OR8K3: variants seen among roughly 807,000 people sequenced by gnomAD.
OR8K3 encodes the protein olfactory receptor family 8 subfamily K member 3 (gene/pseudogene).
For missense variants in OR8K3, 448 were observed against 367.4 expected (o/e 1.22, Z -1.79); for synonymous variants, 167 against 138.8 (o/e 1.20, Z -1.43).
intron 2 of OR8K3, among the ~76,000 whole-genome samples, chr11:56,317,834 G>C (rs1854465115): frequency 1.3e-5 from 2 of 151,762 alleles, no homozygotes; most frequent in African/African-American, 4.8e-5. Context: ...GATTCTATCT[G>C]TTCATCCATA....
rs1245269252 is a variant in OR8K3 at position 56,319,162 on chromosome 11, C to T, written c.856C>T (p.Pro286Ser). Residue 286 changes from proline (P) to serine (S), a missense_variant, in exon 3 of 3, where the codon CCC (proline) becomes TCC (serine). Coordinates refer to ENST00000641662, the MANE Select transcript of OR8K3 (RefSeq NM_001005202.2). ...CACCCTGGTTATCCCCATGTTGAATCCCTTGATCTATAGTTTACGAAACAA... is the reference window on the plus strand; with the variant it reads ...CACCCTGGTTATCCCCATGTTGAATTCCTTGATCTATAGTTTACGAAACAA... Reference protein sequence around the residue: ...FYTLVIPMLNPLIYSLRNKDV... With the variant: ...FYTLVIPMLNSLIYSLRNKDV... 6.2e-7 allele frequency: 1 copy of T among 1,612,950 alleles called. No individual in the cohort carries two copies. Among genetic ancestry groups the T allele is most frequent in the Admixed American group, 1.7e-5 (1 of 59,998 alleles).
chr11:56,317,367 C>A (rs751446701), intron 2 of OR8K3, among the ~76,000 whole-genome samples: 2 of 152,084 alleles, frequency 1.3e-5, no homozygotes, highest in Middle Eastern at 3.2e-3. Flanking sequence ...AGATAACTTA[C>A]ACTATTTGCC....
rs1016535888 is a variant in OR8K3 at position 56,316,417 on chromosome 11, C to T, written c.-24+360C>T. Among the ~76,000 whole-genome samples, 3 of 120,536 alleles carry T rather than the reference C, an allele frequency of 2.5e-5. No homozygotes were observed. In the East Asian group the frequency reaches 8.4e-4, roughly 34 times the overall value. The allele number at this position is 120,536 out of a possible 152,430, so 79.1% of individuals were successfully genotyped here. On this transcript the variant is annotated intron_variant, in intron 2 of 2. Coordinates refer to ENST00000641662, the MANE Select transcript of OR8K3 (RefSeq NM_001005202.2). ...TTCTTTCTTTTCTTTTTTCAAAAAA[C>T]ATTGGGGCTTACGATTTTTTTTAAC...
chr11:56,317,052 T>C (rs1854453366), intron 2 of OR8K3, among the ~76,000 whole-genome samples: 1 of 152,008 alleles, frequency 6.6e-6, no homozygotes, highest in East Asian at 1.9e-4. Context: ...GGAGAAGAAC[T>C]GCCCTAAGTT....
chr11:56,318,862 C>A lies in OR8K3; in HGVS notation c.556C>A (p.Pro186Thr), dbSNP rs768658746. 1 of 1,614,012 alleles carries A rather than the reference C, an allele frequency of 6.2e-7. No individual in the cohort carries two copies. The highest frequency in any genetic ancestry group is 8.5e-7 in the Non-Finnish European group (1 of 1,179,922). ...CTACTGTGACAGTCTCCCTTTGTTACCTTTGCTTTGTTCAAATACACATGA... is the reference window on the plus strand; with the variant it reads ...CTACTGTGACAGTCTCCCTTTGTTAACTTTGCTTTGTTCAAATACACATGA... ...HFYCDSLPLL[P>T]LLCSNTHEIE... is the part of the protein sequence containing the mutation. The change falls in exon 3 of 3, where the codon CCT becomes ACT. Residue 186 changes from proline (P) to threonine (T), a missense_variant. By Grantham distance (38) the Pro-to-Thr change is conservative. Transcript: ENST00000641662.
Position 56,318,984 on chromosome 11 carries a change from C to A in OR8K3, c.678C>A (p.Leu226=). The A allele has an allele frequency of 6.2e-7, 1 of 1,614,094 alleles. No individual in the cohort carries two copies. Among genetic ancestry groups the A allele is most frequent in the Non-Finnish European group, 8.5e-7 (1 of 1,179,986 alleles). ...ACCTGCTCATCCTTGTAGCCATTCT[C>A]AGGATGAATTCTGCTGGCAGACAAA... The part of the protein sequence containing the change: ...LSYLLILVAI[L]RMNSAGRQKA... Residue 226 remains leucine (L), a synonymous_variant, in exon 3 of 3, where the codon CTC becomes CTA. Coordinates refer to ENST00000641662, the MANE Select transcript of OR8K3 (RefSeq NM_001005202.2).
chr11:56,319,271 A>T lies in OR8K3; in HGVS notation c.*26A>T. On this transcript the variant is annotated 3_prime_UTR_variant, in exon 3 of 3. Transcript: ENST00000641662. Reference sequence around the variant, plus strand: ...ATTTTGTACAATATGATTCCTATAAATTAGGTTATGGGCATGAATTTTTGC... The same window carrying T: ...ATTTTGTACAATATGATTCCTATAATTTAGGTTATGGGCATGAATTTTTGC... 7.4e-7 allele frequency: 1 copy of T among 1,349,010 alleles called. No homozygotes were observed. Among genetic ancestry groups the T allele is most frequent in the Non-Finnish European group, 1.0e-6 (1 of 958,374 alleles). The allele number at this position is 1,349,010 out of a possible 1,614,324, so 83.6% of individuals were successfully genotyped here. A position where few individuals can be genotyped will look rare whatever the true frequency, so the allele number is the denominator to read the frequency against.
intron 1 of OR8K3, among the ~76,000 whole-genome samples, chr11:56,315,372 T>C (rs2134864293): frequency 6.6e-6 from 1 of 152,274 alleles, no homozygotes; most frequent in African/African-American, 2.4e-5. Flanking sequence ...TCATATGCTT[T>C]TTAAGTATTT....
chr11:56,318,745 A>G lies in OR8K3; in HGVS notation c.439A>G (p.Ile147Val), dbSNP rs927619000. 2 of 1,613,914 alleles carry G rather than the reference A, an allele frequency of 1.2e-6. No homozygotes were observed. Among genetic ancestry groups the G allele is most frequent in the Admixed American group, 1.7e-5 (1 of 60,000 alleles). ...AAGGGTATGTCAGGTGCTGGTAGCA[A>G]TCCCTTACCTCTATTGCACATTCAT... is the stretch of plus-strand genomic sequence containing the variant. ...SRRVCQVLVA[I>V]PYLYCTFISL... Residue 147 changes from isoleucine (I) to valine (V), a missense_variant, in exon 3 of 3, where the codon ATC (isoleucine) becomes GTC (valine). Ile to Val is a conservative substitution (Grantham distance 29, BLOSUM62 3). Coordinates refer to ENST00000641662, the MANE Select transcript of OR8K3 (RefSeq NM_001005202.2).
rs765085117 is a variant in OR8K3, at chr11:56,318,758, A to G, written c.452A>G (p.Tyr151Cys). The G allele has an allele frequency of 6.2e-7, 1 of 1,613,610 alleles. No homozygotes were observed. Among genetic ancestry groups the G allele is most frequent in the African/African-American group, 1.3e-5 (1 of 74,844 alleles). The change falls in exon 3 of 3, where the codon TAT (tyrosine) becomes TGT (cysteine). Residue 151 changes from tyrosine to cysteine, a missense_variant. Tyr to Cys is a radical substitution (Grantham distance 194, BLOSUM62 -2). Transcript: ENST00000641662. The stretch of plus-strand genomic sequence containing the variant: ...GTGCTGGTAGCAATCCCTTACCTCT[A>G]TTGCACATTCATTTCTCTTCTAGTC... ...CQVLVAIPYL[Y>C]CTFISLLVTI...
chr11:56,318,622 G>A lies in OR8K3; in HGVS notation c.316G>A (p.Val106Met), dbSNP rs773727254. The change falls in exon 3 of 3, where the codon GTG (valine) becomes ATG (methionine). Residue 106 changes from valine to methionine, a missense_variant. Physicochemically the swap from Val to Met is conservative, Grantham distance 21. Transcript: ENST00000641662. ...TGCAACACAGCTAGCTTTCTTTCTT[G>A]TGTTCATTGGTAGTGAACTTTTTAT... Reference protein sequence around the residue: ...FCATQLAFFLVFIGSELFILS... With the variant: ...FCATQLAFFLMFIGSELFILS... 6.2e-7 allele frequency: 1 copy of A among 1,613,594 alleles called. No homozygotes were observed. The highest frequency in any genetic ancestry group is 1.1e-5 in the South Asian group (1 of 91,044).
chr11:56,316,728 C>A (rs1590837190), intron 2 of OR8K3, among the ~76,000 whole-genome samples: 1 of 151,860 alleles, frequency 6.6e-6, no homozygotes, highest in Admixed American at 6.6e-5. Context: ...CTACAGTATC[C>A]TTTTACCCAA....
Position 56,319,102 on chromosome 11 carries a change from T to G in OR8K3, c.796T>G (p.Ser266Ala). 1 of 1,614,098 alleles carries G rather than the reference T, an allele frequency of 6.2e-7. No homozygotes were observed. The highest frequency in any genetic ancestry group is 8.5e-7 in the Non-Finnish European group (1 of 1,179,940). ...GTACGTGCAGCCCAAGTCCAGTCAT[T>G]CCTTTGACACTGATAAAGTGGCTTC... ...FMYVQPKSSH[S>A]FDTDKVASIF... The change falls in exon 3 of 3, where the codon TCC becomes GCC. Residue 266 changes from serine (S) to alanine (A), a missense_variant. Physicochemically the swap from Ser to Ala is moderately conservative, Grantham distance 99. Coordinates refer to ENST00000641662, the MANE Select transcript of OR8K3 (RefSeq NM_001005202.2).
rs572306615 is a variant in OR8K3, at chr11:56,319,951, A to G, written c.*706A>G. ...CCATTCTGTTTACATGAGTAGATAT[A>G]TCAATTATGCTTAAGTTTAGAAGAC... On this transcript the variant is annotated 3_prime_UTR_variant, in exon 3 of 3. Coordinates refer to ENST00000641662, the MANE Select transcript of OR8K3 (RefSeq NM_001005202.2). 6.6e-6 allele frequency: 1 copy of G among 152,318 alleles called. No homozygotes were observed. Among genetic ancestry groups the G allele is most frequent in the South Asian group, 2.1e-4 (1 of 4,834 alleles). 9.4% of individuals were successfully genotyped at this position (152,318 alleles called of 1,614,324 possible).
chr11:56,316,935 TA>T (rs1854451673), intron 2 of OR8K3, among the ~76,000 whole-genome samples: 1 of 151,976 alleles, frequency 6.6e-6, no homozygotes, highest in Non-Finnish European at 1.5e-5. Context: ...AAAGTTTATA[TA>T]AAAATAATTT....
At chr11:56,315,621 C>A (rs879327424) in intron 1 of OR8K3, among the ~76,000 whole-genome samples, 1 of 151,964 alleles carries the variant, frequency 6.6e-6, no homozygotes, top group Admixed American at 6.6e-5. Flanking sequence ...GGCTCTCAGA[C>A]CCCTTAACAA....
At chr11:56,316,823 C>G (rs1024441432) in intron 2 of OR8K3, among the ~76,000 whole-genome samples, 1 of 151,924 alleles carries the variant, frequency 6.6e-6, no homozygotes, top group African/African-American at 2.4e-5. Flanking sequence ...TCCTCAAACT[C>G]CCCTAAGATT....
At position 56,319,224 on chromosome 11, in the gene OR8K3, C is replaced by G. The variant is rs750612004; in HGVS notation, c.918C>G (p.Asn306Lys). 96 of 1,597,804 alleles carry G rather than the reference C, an allele frequency of 6.0e-5. No individual in the cohort carries two copies. Among genetic ancestry groups the G allele is most frequent in the Admixed American group, 1.5e-4 (9 of 59,432 alleles). ...ATGCCCTACGAAGGACATGGAATAA[C>G]TTATGTAATATTTTTGTTTAAATTT... ...VKYALRRTWN[N>K]LCNIFV Residue 306 changes from asparagine to lysine, a missense_variant, in exon 3 of 3, where the codon AAC becomes AAG. Coordinates refer to ENST00000641662, the MANE Select transcript of OR8K3 (RefSeq NM_001005202.2).
chr11:56,318,837 C>T lies in OR8K3; in HGVS notation c.531C>T (p.Phe177=). The part of the protein sequence containing the change: ...SFCGYNVISH[F]YCDSLPLLPL... ...GTGGCTACAACGTCATTAGTCATTT[C>T]TACTGTGACAGTCTCCCTTTGTTAC... The change falls in exon 3 of 3, where the codon TTC becomes TTT. Residue 177 remains phenylalanine (F), a synonymous_variant. Transcript: ENST00000641662. 6.2e-7 allele frequency: 1 copy of T among 1,614,082 alleles called. No individual in the cohort carries two copies. The highest frequency in any genetic ancestry group is 1.1e-5 in the South Asian group (1 of 91,076).
Sources: allele counts gnomAD v4.1 joint callset (sites outside exome capture counted in the v4.1 genomes callset), GRCh38; gene constraint gnomAD v4.1.1; transcripts MANE v1.5; gene names NCBI Gene and HGNC (gene_info 2026-07-23, HGNC 2026-07-21).